The following PADI2 variants were observed in gnomAD, a reference collection of about 807,000 sequenced individuals.
PADI2 encodes the protein protein-arginine deiminase type-2.
A neutral mutation model predicts 81.1 loss-of-function variants in PADI2; 70 were observed. That is an observed-to-expected ratio of 0.86 (90% CI 0.71 to 1.05). The LOEUF is 1.05. Ranked by LOEUF, PADI2 falls within the 50% of genes least tolerant of loss-of-function variation. PADI2 has a pLI of 0.00. For missense variants in PADI2, 853 were observed against 889.9 expected (o/e 0.96, Z 0.53); for synonymous variants, 338 against 358.0 (o/e 0.94, Z 0.63).
intron 1 of PADI2, among the ~76,000 whole-genome samples, chr1:17,116,540 T>C (rs1414353108): frequency 6.6e-6 from 1 of 152,064 alleles, no homozygotes; most frequent in African/African-American, 2.4e-5. Flanking sequence ...TGGTGAAGTC[T>C]CTGGGGACAG....
chr1:17,113,111 C>T (rs1404769373), intron 1 of PADI2, among the ~76,000 whole-genome samples: 1 of 152,192 alleles, frequency 6.6e-6, no homozygotes, highest in Non-Finnish European at 1.5e-5. Context: ...ATTGGTGTCT[C>T]AAACAACACT....
intron 3 of PADI2, among the ~76,000 whole-genome samples, chr1:17,098,857 C>T (rs112301110): frequency 9.8e-5 from 15 of 152,342 alleles, no homozygotes; most frequent in African/African-American, 3.6e-4. Flanking sequence ...TGGGATGCTG[C>T]GGGTAGGGGC....
chr1:17,092,535 T>C lies in PADI2; in HGVS notation c.530-2A>G, dbSNP rs775823327. The C allele has an allele frequency of 8.8e-6, 14 of 1,584,504 alleles. No homozygotes were observed. The highest frequency in any genetic ancestry group is 1.1e-5 in the Non-Finnish European group (13 of 1,166,264). Reference sequence around the variant, plus strand: ...TCATCTGGGACATGTCCTTGAGATCTGAGGGACAGAAGGTGAGAATGAAGA... The same window carrying C: ...TCATCTGGGACATGTCCTTGAGATCCGAGGGACAGAAGGTGAGAATGAAGA... On this transcript the variant is annotated splice_acceptor_variant, in intron 5 of 15. Coordinates refer to ENST00000375486, the MANE Select transcript of PADI2 (RefSeq NM_007365.3). LOFTEE classifies it high-confidence loss of function.
chr1:17,094,429 C>T (rs182556692), intron 4 of PADI2, among the ~76,000 whole-genome samples: 44 of 152,312 alleles, frequency 2.9e-4, no homozygotes, highest in Non-Finnish European at 4.6e-4. Flanking sequence ...TACCCTTCCT[C>T]GGTTACAGCA....
In PADI2 at chr1:17,092,416, T is replaced by C. The variant is rs1161466890; in HGVS notation, c.647A>G (p.Tyr216Cys). 3.7e-6 allele frequency: 6 copies of C among 1,605,206 alleles called. No individual in the cohort carries two copies. The highest frequency in any genetic ancestry group is 5.1e-6 in the Non-Finnish European group (6 of 1,176,480). ...GGGCTGGGATCACTCACTCTCCACG[T>C]AGAACACGCCCACTTTGTCTGAGTC... ...MSDSDKVGVF[Y>C]VENPFFGQRY... The change falls in exon 6 of 16, where the codon TAC (tyrosine) becomes TGC (cysteine). Residue 216 changes from tyrosine to cysteine, a missense_variant. By Grantham distance (194) the Tyr-to-Cys change is radical (BLOSUM62 -2). Transcript: ENST00000375486.
At chr1:17,077,710 G>A (rs1210520556) in intron 11 of PADI2, among the ~76,000 whole-genome samples, 1 of 152,184 alleles carries the variant, frequency 6.6e-6, no homozygotes, top group Non-Finnish European at 1.5e-5. Flanking sequence ...GCAAACAGTC[G>A]CTGGCTGTGC....
rs530910061 is a variant in PADI2 at position 17,071,601 on chromosome 1, G to C, written c.1550-110C>G. On this transcript the variant is annotated intron_variant, in intron 13 of 15. Coordinates refer to ENST00000375486, the MANE Select transcript of PADI2 (RefSeq NM_007365.3). The stretch of plus-strand genomic sequence containing the variant: ...GGCTAACTGCTGGACTGGGACTGGG[G>C]AGATGGGACTGGGGAGAGGCTGGAT... 8.5e-6 allele frequency: 7 copies of C among 826,784 alleles called. No homozygotes were observed. In the African/African-American group the frequency reaches 1.2e-4, roughly 14 times the overall value. The allele number at this position is 826,784 out of a possible 1,614,324, so 51.2% of individuals were successfully genotyped here.
At position 17,092,636 on chromosome 1, in the gene PADI2, G is replaced by A. The variant is rs1164714169; in HGVS notation, c.530-103C>T. On this transcript the variant is annotated intron_variant, in intron 5 of 15. Transcript: ENST00000375486. Reference sequence around the variant, plus strand: ...ATCAGGAAAAAATCCCCATGGATGTGTATTATGGAAACTATAGAAAAGCAT... The same window carrying A: ...ATCAGGAAAAAATCCCCATGGATGTATATTATGGAAACTATAGAAAAGCAT... The A allele has an allele frequency of 3.7e-6, 4 of 1,073,934 alleles. No homozygotes were observed. In the African/African-American group the frequency reaches 6.4e-5, roughly 17 times the overall value. 66.5% of individuals were successfully genotyped at this position (1,073,934 alleles called of 1,614,324 possible). A position where few individuals can be genotyped will look rare whatever the true frequency, so the allele number is the denominator to read the frequency against.
rs116742239 is a variant in PADI2 at position 17,098,237 on chromosome 1, G to T, written c.350-2267C>A. On this transcript the variant is annotated intron_variant, in intron 3 of 15. Coordinates refer to ENST00000375486, the MANE Select transcript of PADI2 (RefSeq NM_007365.3). ...GCCCAGCCCAAAGTCAAAGACACAA[G>T]ACTTGCTCCCTTGAAGGTCATTCCC... Among the ~76,000 whole-genome samples, 373 of 152,300 alleles carry T rather than the reference G, an allele frequency of 2.4e-3. 2 individuals carry two copies. Among genetic ancestry groups the T allele is most frequent in the African/African-American group, 8.8e-3 (366 of 41,574 alleles).
rs373430119 is a variant in PADI2 at position 17,080,359 on chromosome 1, C to T, written c.1159-944G>A. The stretch of plus-strand genomic sequence containing the variant: ...ACAGCAGAAGCCACAGGAGCCCCCA[C>T]GTGTGTCTGCCAACTCTTTGAATTC... On this transcript the variant is annotated intron_variant, in intron 10 of 15. Coordinates refer to ENST00000375486, the MANE Select transcript of PADI2 (RefSeq NM_007365.3). Among the ~76,000 whole-genome samples the T allele has an allele frequency of 5.9e-5, 9 of 152,320 alleles. No homozygotes were observed. In the South Asian group the frequency reaches 1.2e-3, roughly 21 times the overall value.
chr1:17,110,807 T>A (rs1931550351), intron 1 of PADI2, among the ~76,000 whole-genome samples: 1 of 152,236 alleles, frequency 6.6e-6, no homozygotes. Flanking sequence ...CCCCCACAGT[T>A]ACTGGCCCTT....
chr1:17,113,998 C>G (rs1022408646), intron 1 of PADI2, among the ~76,000 whole-genome samples: 2 of 152,232 alleles, frequency 1.3e-5, no homozygotes, highest in African/African-American at 2.4e-5. Context: ...CACTCCCAAC[C>G]CCAGGAAACT....
chr1:17,075,694 G>A lies in PADI2; in HGVS notation c.1440C>T (p.Pro480=). ...GCTAGCTTACCTTTGTGCCGGGGAT[G>A]GGGACAAAGGACATGAACTCATCCA... ...GHVDEFMSFV[P]IPGTKKFLLL... Residue 480 remains proline, a synonymous_variant, in exon 12 of 16, where the codon CCC becomes CCT. Coordinates refer to ENST00000375486, the MANE Select transcript of PADI2 (RefSeq NM_007365.3). The A allele has an allele frequency of 6.2e-7, 1 of 1,611,912 alleles. No homozygotes were observed. Among genetic ancestry groups the A allele is most frequent in the Non-Finnish European group, 8.5e-7 (1 of 1,179,160 alleles).
At chr1:17,074,632 T>A (rs1019879977) in intron 13 of PADI2, among the ~76,000 whole-genome samples, 1 of 152,126 alleles carries the variant, frequency 6.6e-6, no homozygotes, top group African/African-American at 2.4e-5. Context: ...CTGGTGACAC[T>A]AAGGAGCTGT....
In PADI2 at chr1:17,119,089, T is replaced by G. The variant is rs1931853388; in HGVS notation, c.92+191A>C. On this transcript the variant is annotated intron_variant, in intron 1 of 15. Transcript: ENST00000375486. The surrounding 1 kb of genome is among the most constrained non-coding windows in gnomAD (Gnocchi z 4.8). Reference sequence around the variant, plus strand: ...GGGGGTCTGGGAGAGTCTCAGGGTTTCTGGAAGGTGGACACAAGGTTCGGG... The same window carrying G: ...GGGGGTCTGGGAGAGTCTCAGGGTTGCTGGAAGGTGGACACAAGGTTCGGG... 6.6e-6 allele frequency among the ~76,000 whole-genome samples: 1 copy of G among 151,858 alleles called. No individual in the cohort carries two copies. Among genetic ancestry groups the G allele is most frequent in the South Asian group, 2.1e-4 (1 of 4,814 alleles).
intron 7 of PADI2, among the ~76,000 whole-genome samples, chr1:17,085,037 TCA>T (rs929902931): frequency 1.3e-5 from 2 of 152,194 alleles, no homozygotes; most frequent in Admixed American, 1.3e-4. Flanking sequence ...GCTGCTGAGG[TCA>T]CACTCTTAAC....
rs375561378 is a variant in PADI2, at chr1:17,070,124, G to A, written c.1728C>T (p.Asp576=). 81 of 1,613,986 alleles carry A rather than the reference G, an allele frequency of 5.0e-5. 2 individuals carry two copies. Among genetic ancestry groups the A allele is most frequent in the East Asian group, 4.9e-4 (22 of 44,888 alleles). The stretch of plus-strand genomic sequence containing the variant: ...AGAAGGCTCTGGCACGGTGGTCCTC[G>A]TCCATCTTGAACAGAGCGGGCAGGT... The part of the protein sequence containing the change: ...IIDLPALFKM[D]EDHRARAFFP... The change falls in exon 15 of 16, where the codon GAC becomes GAT. Residue 576 remains aspartate, a synonymous_variant. Coordinates refer to ENST00000375486, the MANE Select transcript of PADI2 (RefSeq NM_007365.3).
At chr1:17,103,849 TG>T (rs1389872675) in intron 2 of PADI2, among the ~76,000 whole-genome samples, 5 of 147,148 alleles carry the variant, frequency 3.4e-5, no homozygotes, top group African/African-American at 1.3e-4. Flanking sequence ...CTGGGCACGA[TG>T]GCAGGTGCCT....
chr1:17,092,030 G>C (rs980018816), intron 6 of PADI2, among the ~76,000 whole-genome samples: 1 of 152,162 alleles, frequency 6.6e-6, no homozygotes, highest in Admixed American at 6.5e-5. Flanking sequence ...GGTGCCCACT[G>C]CATCTTTAGG....
Sources: gnomAD v4.1 joint callset for allele counts (sites outside exome capture counted in the v4.1 genomes callset) on GRCh38, gnomAD v4.1.1 for gene constraint, Gnocchi (gnomAD v3.1) non-coding constraint, MANE v1.5 for transcripts, NCBI Gene and HGNC (gene_info 2026-07-23, HGNC 2026-07-21) for gene names.